UBR2: variants seen among roughly 807,000 people sequenced by gnomAD.
The protein encoded by UBR2 is E3 ubiquitin-protein ligase UBR2.
In UBR2, 92 loss-of-function variants were observed where a neutral mutation model predicts 247.9. The ratio of observed to expected loss-of-function variants is 0.37; its 90% CI spans 0.31 to 0.44. The LOEUF (loss-of-function observed/expected upper bound fraction) is 0.44. Among genes scored for constraint, UBR2 ranks in the 20% least tolerant of loss-of-function variants. The pLI is 1.00. For synonymous variants in UBR2, 672 were observed against 693.5 expected (o/e 0.97, Z 0.49); for missense variants, 1,613 against 2,112.6 (o/e 0.76, Z 4.64).
At chr6:42,646,830 G>T (rs1050817513) in intron 21 of UBR2, among the ~76,000 whole-genome samples, 24 of 151,118 alleles carry the variant, frequency 1.6e-4, no homozygotes, top group African/African-American at 4.4e-4. Context: ...TAGAGAGAGA[G>T]AGAGAGAGAG....
In UBR2 at chr6:42,632,626, A is replaced by G. The variant is rs773569898; in HGVS notation, c.1356A>G (p.Arg452=). 1.2e-6 allele frequency: 2 copies of G among 1,613,894 alleles called. No homozygotes were observed. Among genetic ancestry groups the G allele is most frequent in the Admixed American group, 3.3e-5 (2 of 59,978 alleles). ...IKTFMDHLRH[R]DAQGRFQFER... ...CTTTTATGGATCATTTGAGACATCG[A>G]GATGCCCAGGGCAGATTTCAGTTTG... is the stretch of plus-strand genomic sequence containing the variant. The change falls in exon 12 of 47, where the codon CGA becomes CGG. Residue 452 remains arginine (R), a synonymous_variant. Transcript: ENST00000372901.
At position 42,606,766 on chromosome 6, in the gene UBR2, T is replaced by A. The variant is rs1793730539; in HGVS notation, c.864+115T>A. On this transcript the variant is annotated intron_variant, in intron 7 of 46. Coordinates refer to ENST00000372901, the MANE Select transcript of UBR2 (RefSeq NM_001363705.2). ...TCTCAAATGAAAACCAAAAATTATG[T>A]TTAAAGATAATGTTTCTTAAATATT... The A allele has an allele frequency of 5.0e-6, 4 of 806,544 alleles. No individual in the cohort carries two copies. In the South Asian group the frequency reaches 7.8e-5, roughly 16 times the overall value. The allele number at this position is 806,544 out of a possible 1,614,324, so 50.0% of individuals were successfully genotyped here.
chr6:42,634,702 G>A (rs1000188941), intron 13 of UBR2, among the ~76,000 whole-genome samples: 3 of 152,088 alleles, frequency 2.0e-5, no homozygotes, highest in East Asian at 1.9e-4. Context: ...TGATCCACCC[G>A]CCTCGGCCTC....
At chr6:42,662,302 C>A in intron 31 of UBR2, 25 bp downstream of exon 31, 1 of 1,439,810 alleles carries the variant, frequency 6.9e-7, no homozygotes, top group South Asian at 1.3e-5. Flanking sequence ...TAATATTTGT[C>A]AAGAGAAGTT....
intron 7 of UBR2, among the ~76,000 whole-genome samples, chr6:42,610,102 A>G (rs957611561): frequency 1.3e-5 from 2 of 151,866 alleles, no homozygotes; most frequent in Non-Finnish European, 1.5e-5. Flanking sequence ...GCTTGAGCCC[A>G]GGAGTTCAAG....
At chr6:42,640,449 T>G (rs4521584) in intron 16 of UBR2, among the ~76,000 whole-genome samples, 179 bp downstream of exon 16, 184 of 148,146 alleles carry the variant, frequency 1.2e-3, no homozygotes, top group African/African-American at 4.1e-3. Context: ...GATACATATA[T>G]AGAGAGAGAG....
rs1478143984 is a variant in UBR2 at position 42,659,119 on chromosome 6, A to G, written c.3242+295A>G. 6.6e-6 allele frequency among the ~76,000 whole-genome samples: 1 copy of G among 152,178 alleles called. No homozygotes were observed. The highest frequency in any genetic ancestry group is 1.5e-5 in the Non-Finnish European group (1 of 68,032). On this transcript the variant is annotated intron_variant, in intron 29 of 46. Transcript: ENST00000372901. This position sits in a 1 kb window ranked among gnomAD's most constrained non-coding sequence, Gnocchi z 4.3. ...GCGTATGACATCTGTGTTGAAGATT[A>G]GATTACTGTGAGGATTAAAGGAGAT...
At chr6:42,690,168 C>T (rs1799673826) in intron 46 of UBR2, among the ~76,000 whole-genome samples, 1 of 152,212 alleles carries the variant, frequency 6.6e-6, no homozygotes, top group South Asian at 2.1e-4. Context: ...ACAATTCCCC[C>T]AAGCACTATT....
chr6:42,659,580 A>C lies in UBR2; in HGVS notation c.3243-76A>C. On this transcript the variant is annotated intron_variant, in intron 29 of 46. Transcript: ENST00000372901. This position sits in a 1 kb window ranked among gnomAD's most constrained non-coding sequence, Gnocchi z 4.3. ...ACACACACTACACACACACACACAT[A>C]CCTGTAGTCTGCTATTTTGTGATTA... is the stretch of plus-strand genomic sequence containing the variant. 1 of 1,182,180 alleles carries C rather than the reference A, an allele frequency of 8.5e-7. No individual in the cohort carries two copies. Among genetic ancestry groups the C allele is most frequent in the Non-Finnish European group, 1.2e-6 (1 of 823,752 alleles). The allele number at this position is 1,182,180 out of a possible 1,614,324, so 73.2% of individuals were successfully genotyped here.
At chr6:42,600,594 T>TC (rs1385501868) in intron 4 of UBR2, among the ~76,000 whole-genome samples, 2 of 139,844 alleles carry the variant, frequency 1.4e-5, no homozygotes, top group African/African-American at 2.8e-5. Context: ...GAAGAATCTG[T>TC]CTAGGCCTGC....
intron 1 of UBR2, among the ~76,000 whole-genome samples, chr6:42,565,743 A>G (rs1044614735): frequency 2.0e-5 from 3 of 151,894 alleles, no homozygotes; most frequent in Non-Finnish European, 4.4e-5. Flanking sequence ...TATTTTTAGT[A>G]GAGTTGGGGT....
At chr6:42,650,993 G>A (rs190307618) in intron 23 of UBR2, among the ~76,000 whole-genome samples, 1 of 152,050 alleles carries the variant, frequency 6.6e-6, no homozygotes, top group Non-Finnish European at 1.5e-5. Context: ...AGGCTGAGGC[G>A]GGCAGATCGC....
At chr6:42,577,343 GT>G (rs1791586937) in intron 2 of UBR2, among the ~76,000 whole-genome samples, 2 of 152,138 alleles carry the variant, frequency 1.3e-5, no homozygotes, top group Admixed American at 6.5e-5. Flanking sequence ...GCATAGATTA[GT>G]TTTGCTATGG....
intron 32 of UBR2, chr6:42,664,024 G>A (rs1411662559): frequency 3.3e-5 from 5 of 152,162 alleles, no homozygotes; most frequent in Non-Finnish European, 5.9e-5. Flanking sequence ...TGGATGTAGC[G>A]GCATATTCCT....
At chr6:42,671,427 A>T (rs1037093621) in intron 36 of UBR2, among the ~76,000 whole-genome samples, 2 of 150,450 alleles carry the variant, frequency 1.3e-5, no homozygotes, top group Non-Finnish European at 2.9e-5. Context: ...AAAAAAAAGA[A>T]GAAGAAGAAG....
intron 2 of UBR2, among the ~76,000 whole-genome samples, chr6:42,579,571 A>G (rs1036769366): frequency 6.6e-6 from 1 of 152,192 alleles, no homozygotes; most frequent in Non-Finnish European, 1.5e-5. Context: ...CGCTTAGTCT[A>G]GAGTACAGTG....
chr6:42,679,739 A>G lies in UBR2; in HGVS notation c.4625A>G (p.His1542Arg). The change falls in exon 42 of 47, where the codon CAT becomes CGT. Residue 1542 changes from histidine (H) to arginine (R), a missense_variant. His to Arg is a conservative substitution (Grantham distance 29). This residue lies in a region of UBR2 where 1,524 missense variants were observed against 1,967.3 expected (regional missense o/e 0.77). Transcript: ENST00000372901. Reference protein sequence around the residue: ...PPDIQVPGTSHFEHLCSYLSL... With the variant: ...PPDIQVPGTSRFEHLCSYLSL... ...TCATTTGCAGTTCCTGGAACAAGCCATTTTGAACATTTATGTAGCTATCTT... is the reference window on the plus strand; with the variant it reads ...TCATTTGCAGTTCCTGGAACAAGCCGTTTTGAACATTTATGTAGCTATCTT... 1 of 1,612,986 alleles carries G rather than the reference A, an allele frequency of 6.2e-7. No individual in the cohort carries two copies. Among genetic ancestry groups the G allele is most frequent in the East Asian group, 2.2e-5 (1 of 44,862 alleles).
chr6:42,568,774 T>C (rs909757133), intron 1 of UBR2, among the ~76,000 whole-genome samples: 3 of 152,174 alleles, frequency 2.0e-5, no homozygotes, highest in Non-Finnish European at 4.4e-5. Context: ...TGTTGTACCA[T>C]GTACAGGTTG....
chr6:42,642,305 A>G (rs1305663777), intron 17 of UBR2, 111 bp from the exon 18 acceptor site: 12 of 700,060 alleles, frequency 1.7e-5, no homozygotes, highest in Non-Finnish European at 2.7e-5. Context: ...TAGAGAAACC[A>G]CATCACACAC....
Sources: gnomAD v4.1 joint callset for allele counts (sites outside exome capture counted in the v4.1 genomes callset) on GRCh38, gnomAD v4.1.1 for gene constraint, gnomAD v4.1.1 regional missense constraint, Gnocchi (gnomAD v3.1) non-coding constraint, MANE v1.5 for transcripts, NCBI Gene and HGNC (gene_info 2026-07-23, HGNC 2026-07-21) for gene names.